The following UBA2 variants were observed in gnomAD, a reference collection of about 807,000 sequenced individuals.
The protein encoded by UBA2 is SUMO-activating enzyme subunit 2.
A neutral mutation model predicts 77.2 loss-of-function variants in UBA2; 11 were observed. The ratio of observed to expected loss-of-function variants is 0.14; its 90% CI spans 0.09 to 0.24. UBA2 has a LOEUF of 0.24. Among genes scored for constraint, UBA2 ranks in the 10% least tolerant of loss-of-function variants. The pLI, the probability that UBA2 is intolerant of heterozygous loss-of-function variation, is 1.00. For missense variants in UBA2, 487 were observed against 781.7 expected (o/e 0.62, Z 4.50); for synonymous variants, 278 against 276.7 (o/e 1.00, Z -0.05).
At chr19:34,468,448 C>T (rs771623364) in intron 16 of UBA2, among the ~76,000 whole-genome samples, 45 of 152,214 alleles carry the variant, frequency 3.0e-4, no homozygotes, top group African/African-American at 1.1e-3. Flanking sequence ...TCCAAGGTTA[C>T]AGCCATGAGT....
intron 5 of UBA2, among the ~76,000 whole-genome samples, chr19:34,436,627 G>A (rs2863982): frequency 0.88 from 133,308 of 152,262 alleles, 58,603 homozygotes; most frequent in Non-Finnish European, 0.92. Flanking sequence ...ACCTCAACAC[G>A]GCTTCATTTG....
intron 6 of UBA2, 101 bp downstream of exon 6, chr19:34,438,867 A>C: frequency 6.9e-7 from 1 of 1,456,946 alleles, no homozygotes. Flanking sequence ...AGGATGTTTA[A>C]ATATGGTGAA....
chr19:34,467,023 G>T lies in UBA2; in HGVS notation c.1741+9G>T. ...GCCCTCCACCTCCACAGGTGAGTAT[G>T]GCCCCAGCCAGCAGGTTGTTAAATA... On this transcript the variant is annotated intron_variant, in intron 16 of 16. Transcript: ENST00000246548. 6.2e-7 allele frequency: 1 copy of T among 1,608,502 alleles called. No homozygotes were observed. The highest frequency in any genetic ancestry group is 8.5e-7 in the Non-Finnish European group (1 of 1,175,512).
intron 5 of UBA2, among the ~76,000 whole-genome samples, chr19:34,436,490 G>A (rs1210901192): frequency 6.6e-6 from 1 of 152,020 alleles, no homozygotes; most frequent in African/African-American, 2.4e-5. Flanking sequence ...GTAGAGACGG[G>A]GTTTCTCTAT....
At chr19:34,430,876 A>G (rs1015882593) in intron 2 of UBA2, among the ~76,000 whole-genome samples, 1 of 152,110 alleles carries the variant, frequency 6.6e-6, no homozygotes, top group African/African-American at 2.4e-5. Context: ...TGTAACTTTC[A>G]TGGCCTCTTT....
At position 34,469,204 on chromosome 19, in the gene UBA2, G is replaced by C. The variant is rs201018793; in HGVS notation, c.1906G>C (p.Val636Leu). The change falls in exon 17 of 17, where the codon GTC (valine) becomes CTC (leucine). Residue 636 changes from valine to leucine, a missense_variant. This residue lies in a region of UBA2 where 12 missense variants were observed against 35.3 expected (regional missense o/e 0.34). Transcript: ENST00000246548. ...AGAACAGAAGGAAGAGCTTGATGAT[G>C]TCATAGCATTAGATTGAACAGAAAT... Reference protein sequence around the residue: ...RIEQKEELDDVIALD With the variant: ...RIEQKEELDDLIALD 138 of 1,597,376 alleles carry C rather than the reference G, an allele frequency of 8.6e-5. No homozygotes were observed. Among genetic ancestry groups the C allele is most frequent in the Non-Finnish European group, 1.1e-4 (134 of 1,174,944 alleles).
At chr19:34,455,527 G>A (rs982145494) in intron 12 of UBA2, among the ~76,000 whole-genome samples, 1 of 152,100 alleles carries the variant, frequency 6.6e-6, no homozygotes, top group African/African-American at 2.4e-5. Flanking sequence ...TACTTTGACT[G>A]TTGTTTAGGT....
chr19:34,454,658 G>A lies in UBA2; in HGVS notation c.1245+102G>A, dbSNP rs2075538597. 17 of 609,672 alleles carry A rather than the reference G, an allele frequency of 2.8e-5. 1 individual carries two copies. In the South Asian group the frequency reaches 7.7e-4, roughly 27 times the overall value. 37.8% of individuals were successfully genotyped at this position (609,672 alleles called of 1,614,324 possible). On this transcript the variant is annotated intron_variant, in intron 12 of 16. Coordinates refer to ENST00000246548, the MANE Select transcript of UBA2 (RefSeq NM_005499.3). ...TTTTAAAATGAAAACAATAAAATTG[G>A]TTTAAAGCAATGGAAAAGTAATTTT...
intron 6 of UBA2, among the ~76,000 whole-genome samples, chr19:34,441,814 G>A (rs565569436): frequency 1.3e-5 from 2 of 151,810 alleles, no homozygotes; most frequent in Admixed American, 6.6e-5. Flanking sequence ...CCACCTACTC[G>A]GGAGGCTGAG....
In UBA2 at chr19:34,464,141, A is replaced by G. The variant is rs368785614; in HGVS notation, c.1604+10A>G. ...TCAACATCCTTCATAGGTAAGAGCT[A>G]TTAGTATTTTAATTGTAAGAAATTA... On this transcript the variant is annotated intron_variant, in intron 15 of 16. Coordinates refer to ENST00000246548, the MANE Select transcript of UBA2 (RefSeq NM_005499.3). The G allele has an allele frequency of 3.8e-4, 567 of 1,509,562 alleles. No individual in the cohort carries two copies. Among genetic ancestry groups the G allele is most frequent in the Non-Finnish European group, 2.3e-4 (249 of 1,089,420 alleles). 93.5% of individuals were successfully genotyped at this position (1,509,562 alleles called of 1,614,324 possible). A position where few individuals can be genotyped will look rare whatever the true frequency, so the allele number is the denominator to read the frequency against.
At chr19:34,463,877 C>T (rs923797856) in intron 14 of UBA2, 149 bp from the exon 15 acceptor site, 1 of 621,586 alleles carries the variant, frequency 1.6e-6, no homozygotes, top group African/African-American at 1.9e-5. Context: ...CAATCAGATT[C>T]TGAGATACTG....
rs1341138345 is a variant in UBA2, at chr19:34,435,013, A to G, written c.459+45A>G. Reference sequence around the variant, plus strand: ...TTTTAACTTCCCAAATATTTATTTGAGACCTTGGAGCAGGAGGAAATAAAC... The same window carrying G: ...TTTTAACTTCCCAAATATTTATTTGGGACCTTGGAGCAGGAGGAAATAAAC... On this transcript the variant is annotated intron_variant, in intron 5 of 16. Transcript: ENST00000246548. 3.9e-6 allele frequency: 5 copies of G among 1,279,566 alleles called. No homozygotes were observed. In the African/African-American group the frequency reaches 6.0e-5, roughly 15 times the overall value. The allele number at this position is 1,279,566 out of a possible 1,614,324, so 79.3% of individuals were successfully genotyped here.
chr19:34,446,569 C>T (rs753103869), intron 8 of UBA2, among the ~76,000 whole-genome samples: 18 of 151,638 alleles, frequency 1.2e-4, no homozygotes, highest in Middle Eastern at 3.4e-3. Flanking sequence ...GTCTTATTTC[C>T]TCAGTGGTAA....
chr19:34,454,659 T>C, intron 12 of UBA2, 103 bp downstream of exon 12: 1 of 599,066 alleles, frequency 1.7e-6, no homozygotes, highest in Non-Finnish European at 2.6e-6. Flanking sequence ...ATAAAATTGG[T>C]TTAAAGCAAT....
intron 8 of UBA2, among the ~76,000 whole-genome samples, chr19:34,448,078 A>G (rs1481494181): frequency 6.6e-6 from 1 of 152,170 alleles, no homozygotes; most frequent in African/African-American, 2.4e-5. Flanking sequence ...AGACAGTGGG[A>G]ATCCATTGAA....
At chr19:34,448,126 G>T (rs1485601107) in intron 8 of UBA2, among the ~76,000 whole-genome samples, 2 of 152,042 alleles carry the variant, frequency 1.3e-5, no homozygotes, top group Non-Finnish European at 2.9e-5. Context: ...GGATAGAGGG[G>T]ATGCACATAC....
At chr19:34,432,755 A>T (rs937899618) in intron 3 of UBA2, among the ~76,000 whole-genome samples, 2 of 152,138 alleles carry the variant, frequency 1.3e-5, no homozygotes, top group Non-Finnish European at 2.9e-5. Context: ...GGGTTTCATC[A>T]TGTTGGCCAG....
intron 1 of UBA2, among the ~76,000 whole-genome samples, 199 bp from the exon 2 acceptor site, chr19:34,430,377 C>T (rs1208511445): frequency 6.6e-6 from 1 of 152,164 alleles, no homozygotes; most frequent in Non-Finnish European, 1.5e-5. Context: ...AGAAGTTTAT[C>T]TCTGACATTA....
intron 9 of UBA2, 125 bp downstream of exon 9, chr19:34,450,489 TGAA>T (rs1286286309): frequency 3.6e-5 from 21 of 589,686 alleles, no homozygotes; most frequent in Non-Finnish European, 5.8e-5. Context: ...CAAAAAAATA[TGAA>T]GAACAAAAGT....
Sources: gnomAD v4.1 joint callset for allele counts (sites outside exome capture counted in the v4.1 genomes callset) on GRCh38, gnomAD v4.1.1 for gene constraint, gnomAD v4.1.1 regional missense constraint, MANE v1.5 for transcripts, NCBI Gene and HGNC (gene_info 2026-07-23, HGNC 2026-07-21) for gene names.